The following SRP19 variants were observed in gnomAD, a reference collection of about 807,000 sequenced individuals.
The protein encoded by SRP19 is signal recognition particle 19.
A neutral mutation model predicts 22.4 loss-of-function variants in SRP19; 11 were observed. The observed-to-expected ratio is 0.49, with a 90% CI of 0.31 to 0.81. The LOEUF is 0.81. SRP19 is among the 40% of genes least tolerant of loss of function. The probability of loss-of-function intolerance (pLI) is 0.05; values close to 1 mark genes in which losing one functional copy is unlikely to be tolerated. For missense variants in SRP19, 168 were observed against 175.9 expected (o/e 0.96, Z 0.25); for synonymous variants, 61 against 57.6 (o/e 1.06, Z -0.27).
At chr5:112,870,920 T>G (rs901329019), downstream of SRP19, among the ~76,000 whole-genome samples, 1 of 152,162 alleles carries the variant, frequency 6.6e-6, no homozygotes, top group Non-Finnish European at 1.5e-5. Flanking sequence ...CGGTGCGATC[T>G]CAGCTCACTG....
intron 4 of SRP19, chr5:112,876,566 C>T (rs1367759132): frequency 6.6e-6 from 1 of 152,156 alleles, no homozygotes; most frequent in Non-Finnish European, 1.5e-5. Context: ...GGAATAACTG[C>T]TGCAGGAATT....
chr5:112,878,834 C>G lies in SRP19; in HGVS notation c.302-12769C>G, dbSNP rs553914342. 256 of 1,613,950 alleles carry G rather than the reference C, an allele frequency of 1.6e-4. 3 individuals are homozygous for G. In the South Asian group the frequency reaches 2.7e-3, roughly 17 times the overall value. On this transcript the variant is annotated intron_variant, in intron 4 of 4. Coordinates refer to the SRP19 transcript ENST00000391338. Reference sequence around the variant, plus strand: ...CCAGTAAATTCACGGTAGCTTTCTTCGCTGTTTGTTTGTTAGGAGGGAAAG... The same window carrying G: ...CCAGTAAATTCACGGTAGCTTTCTTGGCTGTTTGTTTGTTAGGAGGGAAAG...
intron 4 of SRP19, chr5:112,885,410 G>T: frequency 5.3e-6 from 1 of 189,624 alleles, no homozygotes. Context: ...CATGAGTGAA[G>T]ACAGCACTTG....
intron 4 of SRP19, chr5:112,886,893 G>A (rs1445643653): frequency 3.0e-6 from 2 of 658,174 alleles, no homozygotes; most frequent in African/African-American, 3.6e-5. Context: ...AGAAATCCCA[G>A]AGTAATGTTG....
chr5:112,865,844 G>A (rs1449033252), intron 4 of SRP19, among the ~76,000 whole-genome samples: 2 of 152,000 alleles, frequency 1.3e-5, no homozygotes, highest in East Asian at 1.9e-4. Flanking sequence ...CACCCACCTC[G>A]GCCTCCCAAA....
intron 2 of SRP19, among the ~76,000 whole-genome samples, chr5:112,864,057 G>A (rs2150025537): frequency 6.6e-6 from 1 of 152,306 alleles, no homozygotes; most frequent in East Asian, 1.9e-4. Flanking sequence ...TCTGGGAATG[G>A]AATTGCAGGG....
chr5:112,897,229 CAG>C (rs1768712425), downstream of SRP19: 1 of 152,066 alleles, frequency 6.6e-6, no homozygotes, highest in Admixed American at 6.6e-5. Context: ...CACATACACA[CAG>C]AGTTCTGTTT....
In SRP19 at chr5:112,865,753, C is replaced by A. The variant is rs78392760; in HGVS notation, c.301+1021C>A. 5.9e-5 allele frequency among the ~76,000 whole-genome samples: 9 copies of A among 152,164 alleles called. No individual in the cohort carries two copies. The East Asian group carries it at 1.7e-3, about 29-fold the overall frequency. ...GGACTACAGGCATGTGCCATCACAC[C>A]CAGCTAACTTTTGTATTTTTGATAG... On this transcript the variant is annotated intron_variant, in intron 4 of 4. Transcript: ENST00000505459.
intron 4 of SRP19, among the ~76,000 whole-genome samples, chr5:112,888,554 G>C (rs1768332855): frequency 1.3e-5 from 2 of 150,370 alleles, no homozygotes; most frequent in Non-Finnish European, 2.9e-5. Flanking sequence ...CAAGTAGCTG[G>C]GAATGACTGC....
intron 4 of SRP19, among the ~76,000 whole-genome samples, chr5:112,888,145 AT>A (rs1360822846): frequency 1.1e-4 from 16 of 144,152 alleles, no homozygotes; most frequent in Admixed American, 2.1e-4. Context: ...GTGTAAAAAC[AT>A]CTTAATTTCT....
chr5:112,887,359 A>G (rs1374908168), intron 4 of SRP19, among the ~76,000 whole-genome samples: 4 of 152,214 alleles, frequency 2.6e-5, no homozygotes, highest in Non-Finnish European at 5.9e-5. Context: ...AAAAAACATG[A>G]TGAGTAATGA....
intron 4 of SRP19, among the ~76,000 whole-genome samples, chr5:112,875,746 A>G (rs901878360): frequency 1.3e-5 from 2 of 152,084 alleles, no homozygotes; most frequent in African/African-American, 4.8e-5. Flanking sequence ...AGGCACATGT[A>G]AAAAGTTTAC....
chr5:112,866,568 G>A (rs772425498), intron 4 of SRP19, among the ~76,000 whole-genome samples: 8 of 151,858 alleles, frequency 5.3e-5, no homozygotes, highest in Non-Finnish European at 1.2e-4. Flanking sequence ...GGACACAAGT[G>A]ATCCTCCTGC....
exon 5 of SRP19, chr5:112,891,656 A>T (rs1440480675): frequency 6.8e-6 from 11 of 1,610,874 alleles, no homozygotes; most frequent in Non-Finnish European, 9.3e-6. Context: ...GCACTTGAGA[A>T]GATGACGTTT....
chr5:112,883,058 T>C lies in SRP19; in HGVS notation c.302-8545T>C, dbSNP rs1768126631. ...CTCCAACAATTCACCCTCTCACTCC[T>C]ATCATCATTTTTTGCTCTGTTGAAT... On this transcript the variant is annotated intron_variant, in intron 4 of 4. Coordinates refer to the SRP19 transcript ENST00000391338. Among the ~76,000 whole-genome samples the C allele has an allele frequency of 2.0e-5, 3 of 152,240 alleles. No homozygotes were observed. The South Asian group carries it at 6.2e-4, about 32-fold the overall frequency.
chr5:112,887,874 T>C (rs1017071872), intron 4 of SRP19, among the ~76,000 whole-genome samples: 3 of 152,240 alleles, frequency 2.0e-5, no homozygotes, highest in Non-Finnish European at 2.9e-5. Context: ...TTACTGTTGA[T>C]TCAAATAATA....
chr5:112,864,781 A>AT, intron 4 of SRP19, 49 bp downstream of exon 4: 1 of 1,399,126 alleles, frequency 7.1e-7, no homozygotes, highest in Non-Finnish European at 9.9e-7. Context: ...GGTTTCTCCT[A>AT]CACAACACAA....
chr5:112,861,807 C>T (rs993351112), intron 1 of SRP19, among the ~76,000 whole-genome samples: 1 of 152,124 alleles, frequency 6.6e-6, no homozygotes, highest in African/African-American at 2.4e-5. Context: ...TATAAGAGGG[C>T]GGGCCCATTC....
chr5:112,867,276 G>C (rs1253482801), intron 4 of SRP19, 128 bp from the exon 5 acceptor site: 11 of 1,139,840 alleles, frequency 9.7e-6, no homozygotes, highest in Non-Finnish European at 1.3e-5. Flanking sequence ...TTTGATTTTT[G>C]ATTTTTTAAA....
Sources: gnomAD v4.1 joint callset for allele counts (sites outside exome capture counted in the v4.1 genomes callset) on GRCh38, gnomAD v4.1.1 for gene constraint, MANE v1.5 for transcripts, NCBI Gene and HGNC (gene_info 2026-07-23, HGNC 2026-07-21) for gene names.